Variants in AAAS observed in about 807,000 individuals in gnomAD.
AAAS encodes aladin WD repeat nucleoporin.
In AAAS, 60 loss-of-function variants were observed where a neutral mutation model predicts 75.6. That is an observed-to-expected ratio of 0.79 (90% CI 0.64 to 0.98). AAAS has a LOEUF of 0.98. AAAS is among the 50% of genes least tolerant of loss of function. The pLI, the probability that AAAS is intolerant of heterozygous loss-of-function variation, is 0.00. For missense variants in AAAS, 658 were observed against 686.9 expected, an observed-to-expected ratio of 0.96 and a Z score of 0.47; for synonymous variants, 271 against 265.0, an observed-to-expected ratio of 1.02 and a Z score of -0.22.
At position 53,321,509 on chromosome 12, in the gene AAAS, G is replaced by A; in HGVS notation, c.-44C>T. 2 of 1,612,468 alleles carry A rather than the reference G, an allele frequency of 1.2e-6. No individual in the cohort carries two copies. Among genetic ancestry groups the A allele is most frequent in the Non-Finnish European group, 8.5e-7 (1 of 1,179,802 alleles). ...GTCTGCAGTCGGCAAACTCCTGGCC[G>A]GAACGGCACAGACCGCACTCCCGCA... On this transcript the variant is annotated 5_prime_UTR_variant, in exon 1 of 16. Transcript: ENST00000209873.
Position 53,320,594 on chromosome 12 carries a change from C to A in AAAS, c.222G>T (p.Glu74Asp). The change falls in exon 2 of 16, where the codon GAG (glutamate) becomes GAT (aspartate). Residue 74 changes from glutamate (E) to aspartate (D), a missense_variant. Transcript: ENST00000209873. ...GTRTAFIHHR[E>D]QVWKRCINIW... ...TGTTGATGCATCTCTTCCACACTTGCTCCCGGTGATGGATGAAGGCAGTTC... is the reference window on the plus strand; with the variant it reads ...TGTTGATGCATCTCTTCCACACTTGATCCCGGTGATGGATGAAGGCAGTTC... 3 of 1,614,030 alleles carry A rather than the reference C, an allele frequency of 1.9e-6. No individual in the cohort carries two copies. Among genetic ancestry groups the A allele is most frequent in the Non-Finnish European group, 1.7e-6 (2 of 1,179,968 alleles).
Position 53,321,121 on chromosome 12 carries a change from C to T in AAAS, c.123+222G>A, listed in dbSNP as rs943661597. 2.1e-5 allele frequency: 14 copies of T among 663,772 alleles called. No homozygotes were observed. The African/African-American group carries it at 2.2e-4, about 10-fold the overall frequency. The allele number at this position is 663,772 out of a possible 1,614,324, so 41.1% of individuals were successfully genotyped here. ...TCCCTAGATTCTCCCTCATTCTCTC[C>T]ATTCCCTCTAGGCCTCCTCCACAGC... is the stretch of plus-strand genomic sequence containing the variant. On this transcript the variant is annotated intron_variant, in intron 1 of 15. Coordinates refer to ENST00000209873, the MANE Select transcript of AAAS (RefSeq NM_015665.6).
chr12:53,308,260 G>C, intron 13 of AAAS, 22 bp downstream of exon 13: 2 of 1,614,068 alleles, frequency 1.2e-6, no homozygotes, highest in Non-Finnish European at 1.7e-6. Flanking sequence ...TGTGGGCTGA[G>C]CCCTTCATCC....
Position 53,307,543 on chromosome 12 carries a change from G to A in AAAS, c.1587C>T (p.Asp529=). The A allele has an allele frequency of 6.2e-7, 1 of 1,614,172 alleles. No homozygotes were observed. Among genetic ancestry groups the A allele is most frequent in the Non-Finnish European group, 8.5e-7 (1 of 1,180,010 alleles). The stretch of plus-strand genomic sequence containing the variant: ...GAACAGGTGGTGGCCCTGGGAGAGG[G>A]TCCCAAGGGGCAGAGGTTGGGGATG... ...TETSPTSAPW[D]PLPGPPPVLP... Residue 529 remains aspartate, a synonymous_variant, in exon 16 of 16, where the codon GAC becomes GAT. Coordinates refer to ENST00000209873, the MANE Select transcript of AAAS (RefSeq NM_015665.6).
intron 15 of AAAS, 51 bp downstream of exon 15, chr12:53,307,791 GCCC>G: frequency 6.2e-7 from 1 of 1,612,466 alleles, no homozygotes; most frequent in Non-Finnish European, 8.5e-7. Flanking sequence ...AGCAGCCAAG[GCCC>G]TCAGCTTCTC....
chr12:53,319,824 AAG>A lies in AAAS; in HGVS notation c.251+739_251+740del, dbSNP rs1491083106. ...TCTCAAAAAAAAAAAAAAAAAAAAA[AAG>A]AAAAAGAAAATGAGCCGGGCGCGGT... On this transcript the variant is annotated intron_variant, in intron 2 of 15. Transcript: ENST00000209873. Among the ~76,000 whole-genome samples, 233 of 141,874 alleles carry A rather than the reference AAG, an allele frequency of 1.6e-3. 23 individuals carry two copies. In the East Asian group the frequency reaches 0.019, roughly 11 times the overall value. 93.1% of individuals were successfully genotyped at this position (141,874 alleles called of 152,430 possible).
chr12:53,317,332 C>T (rs1375197028), intron 2 of AAAS, among the ~76,000 whole-genome samples: 5 of 151,234 alleles, frequency 3.3e-5, no homozygotes, highest in Non-Finnish European at 5.9e-5. Flanking sequence ...CTGAGGCGGG[C>T]GGATCACAAG....
chr12:53,310,314 C>T (rs191505957), intron 7 of AAAS, among the ~76,000 whole-genome samples: 3 of 152,306 alleles, frequency 2.0e-5, no homozygotes, highest in Non-Finnish European at 4.4e-5. Context: ...AATCCCAGCA[C>T]TTTGGGAGGC....
chr12:53,308,880 A>T (rs1462872890), intron 10 of AAAS, 65 bp from the exon 11 acceptor site: 2 of 1,612,974 alleles, frequency 1.2e-6, no homozygotes, highest in Non-Finnish European at 1.7e-6. Context: ...GGGAAAGTAG[A>T]GGTGGCCAGG....
intron 7 of AAAS, among the ~76,000 whole-genome samples, chr12:53,311,903 T>A (rs1944395083): frequency 1.4e-5 from 2 of 147,282 alleles, no homozygotes; most frequent in Admixed American, 1.4e-4. Flanking sequence ...GGCGACAGAG[T>A]GAGATTCCAT....
In AAAS at chr12:53,308,801, G is replaced by C; in HGVS notation, c.1011C>G (p.Ser337Arg). ...LSGRCQTGCW[S>R]PDGSRLLFTV... ...TGAACAGCAGTCGGCTGCCATCTGG[G>C]CTCCAGCAGCCAGTCTGGGGTCAGG... The change falls in exon 11 of 16, where the codon AGC (serine) becomes AGG (arginine). Residue 337 changes from serine to arginine, a missense_variant. Coordinates refer to ENST00000209873, the MANE Select transcript of AAAS (RefSeq NM_015665.6). 1 of 1,614,048 alleles carries C rather than the reference G, an allele frequency of 6.2e-7. No individual in the cohort carries two copies. Among genetic ancestry groups the C allele is most frequent in the South Asian group, 1.1e-5 (1 of 91,078 alleles).
Position 53,314,733 on chromosome 12 carries a change from T to C in AAAS, c.545+18A>G. ...TGATATTGACAAGTCAGAGCCCACC[T>C]GGTGTCCCCACACACACCTGCTGGC... On this transcript the variant is annotated intron_variant, in intron 6 of 15. Coordinates refer to ENST00000209873, the MANE Select transcript of AAAS (RefSeq NM_015665.6). 1 of 1,608,730 alleles carries C rather than the reference T, an allele frequency of 6.2e-7. No individual in the cohort carries two copies. Among genetic ancestry groups the C allele is most frequent in the South Asian group, 1.1e-5 (1 of 90,674 alleles).
At chr12:53,308,006 G>A (rs1944318748) in intron 14 of AAAS, 46 bp downstream of exon 14, 1 of 1,613,144 alleles carries the variant, frequency 6.2e-7, no homozygotes, top group African/African-American at 1.3e-5. Context: ...GTTTGTGCAG[G>A]AAGGCTGGTG....
chr12:53,309,982 G>A (rs1565778480), intron 7 of AAAS: 6 of 540,202 alleles, frequency 1.1e-5, no homozygotes, highest in East Asian at 6.8e-5. Flanking sequence ...GTGCTTTCAC[G>A]AGATAGGCCA....
Position 53,314,815 on chromosome 12 carries a change from G to A in AAAS, c.481C>T (p.Pro161Ser), listed in dbSNP as rs1413026100. ...SCCLRVFAWH[P>S]HTNKFAVALL... ...GCCACTGCAAACTTGTTGGTGTGGG[G>A]GTGCCATGCAAAGACACGCAAGCAG... is the stretch of plus-strand genomic sequence containing the variant. The change falls in exon 6 of 16, where the codon CCC becomes TCC. Residue 161 changes from proline (P) to serine (S), a missense_variant. By Grantham distance (74) the Pro-to-Ser change is moderately conservative. Coordinates refer to ENST00000209873, the MANE Select transcript of AAAS (RefSeq NM_015665.6). 6.2e-7 allele frequency: 1 copy of A among 1,613,920 alleles called. No homozygotes were observed. Among genetic ancestry groups the A allele is most frequent in the Non-Finnish European group, 8.5e-7 (1 of 1,179,978 alleles).
At chr12:53,319,766 T>C (rs1440521994) in intron 2 of AAAS, among the ~76,000 whole-genome samples, 2 of 128,104 alleles carry the variant, frequency 1.6e-5, no homozygotes. Flanking sequence ...ATCGCACCTC[T>C]GCACTCCAGC....
At chr12:53,309,988 G>A in intron 7 of AAAS, 3 of 523,810 alleles carry the variant, frequency 5.7e-6, no homozygotes, top group Middle Eastern at 5.4e-4. Context: ...TCACGAGATA[G>A]GCCATGAGGC....
At chr12:53,319,581 G>A (rs985632135) in intron 2 of AAAS, among the ~76,000 whole-genome samples, 1 of 19,234 alleles carries the variant, frequency 5.2e-5, no homozygotes, top group African/African-American at 5.7e-5. Flanking sequence ...GGAGGCCAAG[G>A]CAGGCCTGAG....
chr12:53,320,782 G>A (rs1944541538), intron 1 of AAAS, 90 bp from the exon 2 acceptor site: 2 of 1,464,286 alleles, frequency 1.4e-6, no homozygotes, highest in Non-Finnish European at 9.5e-7. Flanking sequence ...GCTGGGCTAA[G>A]TATAAGAGAT....
Sources: gnomAD v4.1 joint callset for allele counts (sites outside exome capture counted in the v4.1 genomes callset) on GRCh38, gnomAD v4.1.1 for gene constraint, MANE v1.5 for transcripts, NCBI Gene and HGNC (gene_info 2026-07-23, HGNC 2026-07-21) for gene names.